CACNA1C: variants seen among roughly 807,000 people sequenced by gnomAD.
The protein encoded by CACNA1C is calcium voltage-gated channel subunit alpha1 C, also known as voltage-dependent L-type calcium channel subunit alpha-1C.
Under a neutral mutation model 229.0 loss-of-function variants are expected in CACNA1C, and 30 were observed. That is an observed-to-expected ratio of 0.13 (90% CI 0.10 to 0.18). The LOEUF (loss-of-function observed/expected upper bound fraction) is 0.18. Ranked by LOEUF, CACNA1C falls within the 10% of genes least tolerant of loss-of-function variation. The probability of loss-of-function intolerance (pLI) is 1.00; values close to 1 mark genes in which losing one functional copy is unlikely to be tolerated. For synonymous variants in CACNA1C, 1,114 were observed against 1,132.5 expected (o/e 0.98, Z 0.33); for missense variants, 1,658 against 2,845.0 (o/e 0.58, Z 9.49).
At chr12:2,099,787 C>T (rs1257852939) in intron 1 of CACNA1C, among the ~76,000 whole-genome samples, 1 of 152,082 alleles carries the variant, frequency 6.6e-6, no homozygotes, top group Non-Finnish European at 1.5e-5. Flanking sequence ...TGCCTGCCAA[C>T]CTGCCTGAGG....
At chr12:2,385,082 C>T (rs769758794) in intron 3 of CACNA1C, among the ~76,000 whole-genome samples, 3 of 152,120 alleles carry the variant, frequency 2.0e-5, no homozygotes, top group South Asian at 2.1e-4. Context: ...CTTACAAAGA[C>T]GTAGTCCAGA....
Position 2,695,103 on chromosome 12 carries a change from G to A in CACNA1C, c.*3904G>A, listed in dbSNP as rs1442068461. On this transcript the variant is annotated 3_prime_UTR_variant, in exon 47 of 47. Transcript: ENST00000399655. ...ACCCCAGGGGAGGCAAATACTTGCT[G>A]ATGGAGTCTGGGCCGTTTCCATATT... 7.9e-6 allele frequency: 1 copy of A among 126,728 alleles called. No individual in the cohort carries two copies. Among genetic ancestry groups the A allele is most frequent in the Admixed American group, 8.7e-5 (1 of 11,504 alleles). The allele number at this position is 126,728 out of a possible 1,614,324, so 7.9% of individuals were successfully genotyped here.
chr12:1,991,423 G>A (rs2039386429), intron 1 of CACNA1C: 1 of 206,436 alleles, frequency 4.8e-6, no homozygotes, highest in South Asian at 6.8e-5. Context: ...AGCCACATCT[G>A]TTATTTTAAA....
chr12:2,268,217 T>C (rs1166475566), intron 3 of CACNA1C, among the ~76,000 whole-genome samples: 1 of 152,132 alleles, frequency 6.6e-6, no homozygotes. Flanking sequence ...GTGGTCCCTC[T>C]GAAGAGGGTT....
At chr12:2,105,629 CCCACCCCGGGGAGGG>C in intron 1 of CACNA1C, among the ~76,000 whole-genome samples, 1 of 110,334 alleles carries the variant, frequency 9.1e-6, no homozygotes, top group African/African-American at 3.3e-5. Context: ...CCACTGGGTG[CCCACCCCGGGGAGGG>C]TTTCCACCTC....
intron 1 of CACNA1C, among the ~76,000 whole-genome samples, chr12:2,082,379 C>T (rs140081138): frequency 1.2e-4 from 19 of 152,264 alleles, no homozygotes; most frequent in African/African-American, 4.1e-4. Context: ...CCCTGATGTC[C>T]TAGTGGTGTC....
rs2099766868 is a variant in CACNA1C at position 2,504,307 on chromosome 12, C to T, written c.1114-535C>T. On this transcript the variant is annotated intron_variant, in intron 7 of 46. Coordinates refer to ENST00000399655, the MANE Select transcript of CACNA1C (RefSeq NM_000719.7). This position sits in a 1 kb window ranked among gnomAD's most constrained non-coding sequence, Gnocchi z 6.8. ...CGATGCCCTGGGTAACACGGGTAAC[C>T]TGGTGCACATGAACAAAGCCCACGT... The T allele has an allele frequency of 3.1e-6, 2 of 646,818 alleles. No individual in the cohort carries two copies. The highest frequency in any genetic ancestry group is 5.1e-5 in the Admixed American group (2 of 39,594). The allele number at this position is 646,818 out of a possible 1,614,324, so 40.1% of individuals were successfully genotyped here.
intron 1 of CACNA1C, among the ~76,000 whole-genome samples, chr12:2,091,565 G>A (rs2071041467): frequency 6.6e-6 from 1 of 152,094 alleles, no homozygotes; most frequent in South Asian, 2.1e-4. Flanking sequence ...CTCTCCTCTC[G>A]TGCCTTCCTC....
At chr12:2,591,235 A>T (rs2065160274) in intron 18 of CACNA1C, among the ~76,000 whole-genome samples, 1 of 151,816 alleles carries the variant, frequency 6.6e-6, no homozygotes, top group Non-Finnish European at 1.5e-5. Context: ...TCTTTGCAGT[A>T]CCTGGCTTTG....
intron 9 of CACNA1C, among the ~76,000 whole-genome samples, chr12:2,521,253 G>A (rs1332739305): frequency 6.6e-6 from 1 of 152,228 alleles, no homozygotes; most frequent in Non-Finnish European, 1.5e-5. Context: ...AGGGGCCTAT[G>A]AGCAGCAGGG....
intron 3 of CACNA1C, among the ~76,000 whole-genome samples, chr12:2,235,062 T>C (rs1234342827): frequency 6.6e-6 from 1 of 152,092 alleles, no homozygotes; most frequent in African/African-American, 2.4e-5. Flanking sequence ...TCAGGCAGCA[T>C]TATTCCTTGC....
At chr12:2,044,855 C>T (rs1039582573) in intron 1 of CACNA1C, among the ~76,000 whole-genome samples, 10 of 152,128 alleles carry the variant, frequency 6.6e-5, no homozygotes, top group East Asian at 3.8e-4. Flanking sequence ...ACCCTAGTCT[C>T]GCATGACTTC....
chr12:2,240,023 T>C (rs2069230487), intron 3 of CACNA1C, among the ~76,000 whole-genome samples: 1 of 152,250 alleles, frequency 6.6e-6, no homozygotes, highest in African/African-American at 2.4e-5. Context: ...TTCAAACTGC[T>C]TTATTACTCA....
intron 3 of CACNA1C, among the ~76,000 whole-genome samples, chr12:2,335,044 G>A (rs1593162934): frequency 6.6e-6 from 1 of 152,194 alleles, no homozygotes; most frequent in Non-Finnish European, 1.5e-5. Context: ...TTCCAAGCTA[G>A]CAGTGGCCTC....
chr12:2,337,012 C>G (rs1470943421), intron 3 of CACNA1C, among the ~76,000 whole-genome samples: 1 of 152,208 alleles, frequency 6.6e-6, no homozygotes, highest in African/African-American at 2.4e-5. Context: ...CATTCACCAT[C>G]CATCCATCCA....
At chr12:2,310,666 G>A (rs1452467670) in intron 3 of CACNA1C, among the ~76,000 whole-genome samples, 1 of 152,158 alleles carries the variant, frequency 6.6e-6, no homozygotes, top group Non-Finnish European at 1.5e-5. Flanking sequence ...CCTAAAGGCA[G>A]GGGGATGGAC....
At chr12:2,242,346 A>G (rs2154375412) in intron 3 of CACNA1C, among the ~76,000 whole-genome samples, 1 of 152,326 alleles carries the variant, frequency 6.6e-6, no homozygotes, top group South Asian at 2.1e-4. Flanking sequence ...AAAACTAGCT[A>G]CTGACACTTG....
chr12:2,222,603 T>C (rs1424757350), intron 3 of CACNA1C, among the ~76,000 whole-genome samples: 4 of 152,230 alleles, frequency 2.6e-5, no homozygotes, highest in Non-Finnish European at 5.9e-5. Context: ...CAATAGATTT[T>C]TGGATGGATC....
chr12:2,619,251 G>T lies in CACNA1C; in HGVS notation c.3828+7238G>T, dbSNP rs183035626. Among the ~76,000 whole-genome samples the T allele has an allele frequency of 7.9e-5, 12 of 152,284 alleles. 1 individual carries two copies. The highest frequency in any genetic ancestry group is 6.5e-4 in the Admixed American group (10 of 15,294). ...TAGGAAGACTGCCTTAGCATACTGTGGTGAGACTGAGTGAGGTCATATCTA... is the reference window on the plus strand; with the variant it reads ...TAGGAAGACTGCCTTAGCATACTGTTGTGAGACTGAGTGAGGTCATATCTA... On this transcript the variant is annotated intron_variant, in intron 29 of 46. Transcript: ENST00000399655.
Sources: gnomAD v4.1 joint callset for allele counts (sites outside exome capture counted in the v4.1 genomes callset) on GRCh38, gnomAD v4.1.1 for gene constraint, Gnocchi (gnomAD v3.1) non-coding constraint, MANE v1.5 for transcripts, NCBI Gene and HGNC (gene_info 2026-07-23, HGNC 2026-07-21) for gene names.